The following ASXL2 variants were observed in gnomAD, a reference collection of about 807,000 sequenced individuals.
ASXL2 encodes the protein ASXL transcriptional regulator 2.
A neutral mutation model predicts 122.0 loss-of-function variants in ASXL2; 23 were observed. That is an observed-to-expected ratio of 0.19 (90% CI 0.14 to 0.27). ASXL2 has a LOEUF of 0.27. ASXL2 is among the 10% of genes least tolerant of loss of function. ASXL2 has a pLI of 1.00. For synonymous variants in ASXL2, 650 were observed against 637.0 expected, an observed-to-expected ratio of 1.02 and a Z score of -0.31; for missense variants, 1,518 against 1,713.8, an observed-to-expected ratio of 0.89 and a Z score of 2.02.
chr2:25,787,069 T>G (rs1022937213), intron 5 of ASXL2, among the ~76,000 whole-genome samples: 1 of 152,110 alleles, frequency 6.6e-6, no homozygotes, highest in Non-Finnish European at 1.5e-5. Flanking sequence ...TAAACTAATA[T>G]ATTTTAAAAA....
At chr2:25,754,924 T>C (rs1049780085) in intron 10 of ASXL2, among the ~76,000 whole-genome samples, 1 of 152,156 alleles carries the variant, frequency 6.6e-6, no homozygotes, top group Non-Finnish European at 1.5e-5. Context: ...TAGAATTTCT[T>C]CTAAAAGAAG....
At chr2:25,858,418 C>CAA (rs761240837) in intron 1 of ASXL2, among the ~76,000 whole-genome samples, 3 of 136,430 alleles carry the variant, frequency 2.2e-5, no homozygotes, top group Admixed American at 7.4e-5. Flanking sequence ...GTCTACATTC[C>CAA]AAAAAAAAAA....
intron 5 of ASXL2, among the ~76,000 whole-genome samples, chr2:25,792,692 G>A (rs2088853323): frequency 6.6e-6 from 1 of 151,572 alleles, no homozygotes; most frequent in Non-Finnish European, 1.5e-5. Context: ...AGCCTCCGAG[G>A]CCTCCTGGGT....
rs1471383647 is a variant in ASXL2 at position 25,749,834 on chromosome 2, T to C, written c.1722A>G (p.Gln574=). ...TCTCCCAGCTCACAGGGGCCTCTTC[T>C]TGGGTGAGGGAAGACTTCCTCTTGA... is the stretch of plus-strand genomic sequence containing the variant. ...ESLKRKSSLT[Q]EEAPVSWEKR... Residue 574 remains glutamine, a synonymous_variant, in exon 12 of 13, where the codon CAA becomes CAG. Transcript: ENST00000435504. 2 of 1,610,264 alleles carry C rather than the reference T, an allele frequency of 1.2e-6. No homozygotes were observed. The highest frequency in any genetic ancestry group is 3.4e-5 in the Admixed American group (2 of 59,072).
Position 25,744,528 on chromosome 2 carries a change from G to C in ASXL2, c.1861-52C>G. ...AACAGAGCTTAGTTTTCATTTGTAA[G>C]AATAACAAAACTTCATTAGCCCTCA... On this transcript the variant is annotated intron_variant, in intron 12 of 12. Coordinates refer to ENST00000435504, the MANE Select transcript of ASXL2 (RefSeq NM_018263.6). This position sits in a 1 kb window ranked among gnomAD's most constrained non-coding sequence, Gnocchi z 4.7. The C allele has an allele frequency of 6.5e-7, 1 of 1,527,058 alleles. No individual in the cohort carries two copies. Among genetic ancestry groups the C allele is most frequent in the Non-Finnish European group, 8.7e-7 (1 of 1,144,658 alleles). 94.6% of individuals were successfully genotyped at this position (1,527,058 alleles called of 1,614,324 possible).
chr2:25,745,643 T>C (rs2087929497), intron 12 of ASXL2, among the ~76,000 whole-genome samples: 1 of 21,378 alleles, frequency 4.7e-5, no homozygotes, highest in Admixed American at 3.1e-4. Flanking sequence ...ATTTCCTTCT[T>C]TTTTTTTTTT....
At chr2:25,778,951 T>C (rs755932996) in intron 5 of ASXL2, among the ~76,000 whole-genome samples, 20 of 152,122 alleles carry the variant, frequency 1.3e-4, no homozygotes, top group Non-Finnish European at 2.5e-4. Flanking sequence ...TCACTGTCAA[T>C]AGGTTACCAC....
intron 1 of ASXL2, among the ~76,000 whole-genome samples, chr2:25,859,908 G>A (rs1234765439): frequency 2.0e-5 from 3 of 152,140 alleles, no homozygotes; most frequent in African/African-American, 7.2e-5. Context: ...ATATTTTGCC[G>A]GGCACAGCGG....
At chr2:25,768,674 T>A (rs2088394884) in intron 7 of ASXL2, 68 bp downstream of exon 7, 1 of 1,536,138 alleles carries the variant, frequency 6.5e-7, no homozygotes, top group Non-Finnish European at 8.9e-7. Context: ...CATAAACAAA[T>A]CAGGAAAACC....
Position 25,835,559 on chromosome 2 carries a change from G to A in ASXL2, c.141-19C>T, listed in dbSNP as rs1404571681. 7.2e-6 allele frequency: 2 copies of A among 278,518 alleles called. No individual in the cohort carries two copies. Among genetic ancestry groups the A allele is most frequent in the East Asian group, 1.0e-4 (1 of 9,786 alleles). The allele number at this position is 278,518 out of a possible 1,614,324, so 17.3% of individuals were successfully genotyped here. A position where few individuals can be genotyped will look rare whatever the true frequency, so the allele number is the denominator to read the frequency against. On this transcript the variant is annotated intron_variant, in intron 2 of 12. Coordinates refer to ENST00000435504, the MANE Select transcript of ASXL2 (RefSeq NM_018263.6). ...TTACCTTCTGGAGTTGGAATGCAGTGCAGGAAAATGAAAGAAGGAAAAAAA... is the reference window on the plus strand; with the variant it reads ...TTACCTTCTGGAGTTGGAATGCAGTACAGGAAAATGAAAGAAGGAAAAAAA...
intron 1 of ASXL2, among the ~76,000 whole-genome samples, chr2:25,874,209 C>A (rs2089992250): frequency 1.3e-5 from 2 of 151,980 alleles, no homozygotes; most frequent in Non-Finnish European, 2.9e-5. Context: ...TAGCTGTGGG[C>A]CCCGCACAGT....
At chr2:25,812,144 T>C (rs933263583) in intron 3 of ASXL2, among the ~76,000 whole-genome samples, 3 of 149,584 alleles carry the variant, frequency 2.0e-5, no homozygotes, top group African/African-American at 5.0e-5. Flanking sequence ...TGCAATTTCC[T>C]GTGAGTCTAT....
intron 4 of ASXL2, among the ~76,000 whole-genome samples, chr2:25,802,117 T>C (rs1280381812): frequency 6.6e-6 from 1 of 152,248 alleles, no homozygotes; most frequent in African/African-American, 2.4e-5. Context: ...AAGCTATTCC[T>C]ATGTCCTGGA....
At chr2:25,838,726 T>A (rs2149189955) in intron 2 of ASXL2, among the ~76,000 whole-genome samples, 1 of 152,328 alleles carries the variant, frequency 6.6e-6, no homozygotes, top group Middle Eastern at 3.4e-3. Context: ...AAGCGCTTTT[T>A]TAAAAAGGCT....
chr2:25,799,480 T>A lies in ASXL2; in HGVS notation c.308A>T (p.Asp103Val). ...ELSEGSEESS[D>V]GQSDSQSSEN... ...AGAACTCTGGGAATCTGACTGACCATCACTGCTTTCTTCTGAACCTTCTGA... is the reference window on the plus strand; with the variant it reads ...AGAACTCTGGGAATCTGACTGACCAACACTGCTTTCTTCTGAACCTTCTGA... The change falls in exon 5 of 13, where the codon GAT (aspartate) becomes GTT (valine). Residue 103 changes from aspartate (D) to valine (V), a missense_variant. This residue lies in a region of ASXL2 where 198 missense variants were observed against 209.0 expected (regional missense o/e 0.95). Coordinates refer to ENST00000435504, the MANE Select transcript of ASXL2 (RefSeq NM_018263.6). The A allele has an allele frequency of 2.5e-6, 4 of 1,614,014 alleles. No homozygotes were observed. The highest frequency in any genetic ancestry group is 2.5e-6 in the Non-Finnish European group (3 of 1,179,880).
chr2:25,873,324 T>C (rs1178415855), intron 1 of ASXL2, among the ~76,000 whole-genome samples: 1 of 152,106 alleles, frequency 6.6e-6, no homozygotes, highest in Non-Finnish European at 1.5e-5. Context: ...GGCGGAAGAA[T>C]CACTTGAACC....
chr2:25,856,458 T>TTC lies in ASXL2; in HGVS notation c.58-10897_58-10896dup. ...CCAGTGGAGTCCTGGAGTCTCCAGC[T>TTC]TCTCACTTGGCCTTCGGGTTACGGA... On this transcript the variant is annotated intron_variant, in intron 1 of 12. Transcript: ENST00000435504. 2.7e-5 allele frequency: 26 copies of TTC among 978,184 alleles called. 1 individual carries two copies. In the South Asian group the frequency reaches 3.0e-4, roughly 11 times the overall value. 60.6% of individuals were successfully genotyped at this position (978,184 alleles called of 1,614,324 possible).
intron 5 of ASXL2, among the ~76,000 whole-genome samples, chr2:25,795,866 G>A (rs182335933): frequency 6.6e-6 from 1 of 152,064 alleles, no homozygotes; most frequent in Non-Finnish European, 1.5e-5. Context: ...TCAAAAATAC[G>A]TGCTTAGTGG....
chr2:25,735,922 A>G lies in ASXL2; in HGVS notation c.*6107T>C, dbSNP rs1193428956. Reference sequence around the variant, plus strand: ...ATTTCATAACTCATTTAAATTTTCAACCTATCTTGGGAAAAAGGTAGTATT... The same window carrying G: ...ATTTCATAACTCATTTAAATTTTCAGCCTATCTTGGGAAAAAGGTAGTATT... On this transcript the variant is annotated 3_prime_UTR_variant, in exon 13 of 13. Transcript: ENST00000435504. The G allele has an allele frequency of 6.6e-6, 1 of 152,176 alleles. No individual in the cohort carries two copies. The highest frequency in any genetic ancestry group is 2.4e-5 in the African/African-American group (1 of 41,444). The allele number at this position is 152,176 out of a possible 1,614,324, so 9.4% of individuals were successfully genotyped here. A position where few individuals can be genotyped will look rare whatever the true frequency, so the allele number is the denominator to read the frequency against.
Sources: allele counts gnomAD v4.1 joint callset (sites outside exome capture counted in the v4.1 genomes callset), GRCh38; gene constraint gnomAD v4.1.1; regional missense constraint gnomAD v4.1.1; non-coding constraint Gnocchi (gnomAD v3.1); transcripts MANE v1.5; gene names NCBI Gene and HGNC (gene_info 2026-07-23, HGNC 2026-07-21).